The following AKR1B15 variants were observed in gnomAD, a reference collection of about 807,000 sequenced individuals.
AKR1B15 encodes the protein aldo-keto reductase family 1 member B15, also known as estradiol 17-beta-dehydrogenase AKR1B15.
In AKR1B15, 49 loss-of-function variants were observed where a neutral mutation model predicts 38.5. The ratio of observed to expected loss-of-function variants is 1.27; its 90% confidence interval spans 1.01 to 1.62. The LOEUF (loss-of-function observed/expected upper bound fraction) is 1.62, where lower values mean the gene tolerates loss of function less well. Ranked by LOEUF, AKR1B15 falls within the 40% of genes most tolerant of loss-of-function variation. AKR1B15 has a pLI of 0.00. For synonymous variants in AKR1B15, 137 were observed against 135.5 expected, an observed-to-expected ratio of 1.01 and a Z score of -0.08; for missense variants, 411 against 381.6, an observed-to-expected ratio of 1.08 and a Z score of -0.64.
In AKR1B15 at chr7:134,568,142, T is replaced by C; in HGVS notation, c.151-16T>C. 1 of 1,613,920 alleles carries C rather than the reference T, an allele frequency of 6.2e-7. No individual in the cohort carries two copies. The highest frequency in any genetic ancestry group is 1.1e-5 in the South Asian group (1 of 91,072). On this transcript the variant is annotated splice_polypyrimidine_tract_variant and intron_variant, in intron 3 of 11. Transcript: ENST00000457545. ...AAAAAAATACATGTGTGATGGGCTT[T>C]TCTTTTGCTTTTCAGTCTCTTCTCG...
At chr7:134,560,435 T>G (rs1300871309) in intron 2 of AKR1B15, among the ~76,000 whole-genome samples, 1 of 152,154 alleles carries the variant, frequency 6.6e-6, no homozygotes, top group Non-Finnish European at 1.5e-5. Context: ...ATCAGCTGAT[T>G]CCTGCCCAAA....
intron 2 of AKR1B15, among the ~76,000 whole-genome samples, chr7:134,560,344 T>C (rs372901693): frequency 1.8e-4 from 28 of 152,040 alleles, no homozygotes; most frequent in East Asian, 1.2e-3. Context: ...GTCCCTGTCT[T>C]CCCTGACAAC....
chr7:134,567,278 T>C (rs966641996), intron 3 of AKR1B15, among the ~76,000 whole-genome samples: 2 of 152,224 alleles, frequency 1.3e-5, no homozygotes, highest in African/African-American at 4.8e-5. Flanking sequence ...CTTGGCTAGG[T>C]TAGAACAAAG....
chr7:134,578,451 T>A (rs898133958), intron 11 of AKR1B15, among the ~76,000 whole-genome samples: 1 of 152,170 alleles, frequency 6.6e-6, no homozygotes, highest in African/African-American at 2.4e-5. Context: ...GATTAAATCA[T>A]CTCCAAATGC....
chr7:134,552,639 A>T (rs1585776046), intron 1 of AKR1B15, among the ~76,000 whole-genome samples: 3 of 151,718 alleles, frequency 2.0e-5, no homozygotes, highest in African/African-American at 7.3e-5. Flanking sequence ...TAACAAGCAG[A>T]CAGTCACTGT....
intron 2 of AKR1B15, among the ~76,000 whole-genome samples, chr7:134,561,521 T>C (rs1794392188): frequency 6.6e-6 from 1 of 152,228 alleles, no homozygotes; most frequent in Non-Finnish European, 1.5e-5. Flanking sequence ...CATGTATTAT[T>C]AATGTTGAAG....
intron 2 of AKR1B15, among the ~76,000 whole-genome samples, chr7:134,562,622 G>A (rs1045448348): frequency 1.3e-5 from 2 of 152,060 alleles, no homozygotes; most frequent in African/African-American, 2.4e-5. Flanking sequence ...ACAGAGTGCT[G>A]ATTGGTGCAT....
At position 134,575,956 on chromosome 7, in the gene AKR1B15, C is replaced by T. The variant is rs751263325; in HGVS notation, c.743+29C>T. On this transcript the variant is annotated intron_variant, in intron 8 of 11. Transcript: ENST00000457545. Reference sequence around the variant, plus strand: ...AGGCTTCCAAGTGGTGGGTCTTTCTCTTGATAATCTTAAAAACATTATTTT... The same window carrying T: ...AGGCTTCCAAGTGGTGGGTCTTTCTTTTGATAATCTTAAAAACATTATTTT... 4.4e-6 allele frequency: 7 copies of T among 1,607,014 alleles called. No individual in the cohort carries two copies. The East Asian group carries it at 1.6e-4, about 36-fold the overall frequency.
At chr7:134,557,393 T>A (rs1049345112) in intron 2 of AKR1B15, among the ~76,000 whole-genome samples, 1 of 152,160 alleles carries the variant, frequency 6.6e-6, no homozygotes. Flanking sequence ...TAACTTCTTT[T>A]AACCTGATTG....
chr7:134,561,747 G>C (rs1470774916), intron 2 of AKR1B15, among the ~76,000 whole-genome samples: 6 of 151,778 alleles, frequency 4.0e-5, no homozygotes, highest in Admixed American at 2.0e-4. Flanking sequence ...CGTGGCCCTG[G>C]CCTGTCATGG....
chr7:134,559,266 T>C (rs1264189300), intron 2 of AKR1B15, among the ~76,000 whole-genome samples: 1 of 152,176 alleles, frequency 6.6e-6, no homozygotes, highest in African/African-American at 2.4e-5. Context: ...TGTCTATGTC[T>C]ATACCACAAA....
chr7:134,568,078 G>C (rs1794580710), intron 3 of AKR1B15, 80 bp from the exon 4 acceptor site: 1 of 1,552,866 alleles, frequency 6.4e-7, no homozygotes, highest in Non-Finnish European at 8.7e-7. Context: ...GGGAGTGTGA[G>C]GCCAGCCTGG....
intron 2 of AKR1B15, among the ~76,000 whole-genome samples, chr7:134,562,765 G>A (rs1006216642): frequency 1.3e-5 from 2 of 151,854 alleles, no homozygotes; most frequent in African/African-American, 4.8e-5. Flanking sequence ...TCACCATGTT[G>A]GCCAGGCTTC....
At position 134,575,521 on chromosome 7, in the gene AKR1B15, A is replaced by T. The variant is rs568084043; in HGVS notation, c.615A>T (p.Lys205Asn). ...GGCTCTTGAACAAACCTGGACTGAA[A>T]TATAAACCAGTGACTAACCAGGTAA... ...IERLLNKPGL[K>N]YKPVTNQVEC... The change falls in exon 7 of 12, where the codon AAA (lysine) becomes AAT (asparagine). Residue 205 changes from lysine (K) to asparagine (N), a missense_variant. Coordinates refer to ENST00000457545, the MANE Select transcript of AKR1B15 (RefSeq NM_001080538.3). The T allele has an allele frequency of 3.5e-5, 57 of 1,613,862 alleles. No homozygotes were observed. The South Asian group carries it at 6.0e-4, about 17-fold the overall frequency.
chr7:134,568,425 A>G, intron 4 of AKR1B15, 100 bp downstream of exon 4: 1 of 1,498,768 alleles, frequency 6.7e-7, no homozygotes, highest in South Asian at 1.3e-5. Flanking sequence ...TTCTACGTGT[A>G]CCCGTTTTCA....
At chr7:134,568,662 C>G (rs1486700298) in intron 4 of AKR1B15, among the ~76,000 whole-genome samples, 1 of 152,158 alleles carries the variant, frequency 6.6e-6, no homozygotes, top group Non-Finnish European at 1.5e-5. Flanking sequence ...TCCCTCTCAG[C>G]ACTGTGGTCT....
chr7:134,571,766 G>A (rs1794674513), intron 6 of AKR1B15, 85 bp downstream of exon 6: 1 of 1,033,308 alleles, frequency 9.7e-7, no homozygotes, highest in South Asian at 1.4e-5. Context: ...GAGGCCATGT[G>A]CCTGATGCTT....
At chr7:134,550,822 C>T (rs1793941710) in intron 1 of AKR1B15, among the ~76,000 whole-genome samples, 1 of 152,168 alleles carries the variant, frequency 6.6e-6, no homozygotes, top group South Asian at 2.1e-4. Context: ...AAAAGGCAAA[C>T]TCTGGACACT....
At position 134,568,162 on chromosome 7, in the gene AKR1B15, T is replaced by A. The variant is rs191960014; in HGVS notation, c.155T>A (p.Leu52His). Reference protein sequence around the residue: ...GPLLRPYPASLLGKVKEAVKV... With the variant: ...GPLLRPYPASHLGKVKEAVKV... ...GGCTTTTCTTTTGCTTTTCAGTCTC[T>A]TCTCGGCAAAGTGAAAGAAGCGGTG... Residue 52 changes from leucine to histidine, a missense_variant, in exon 4 of 12, where the codon CTT becomes CAT. Physicochemically the swap from Leu to His is moderately conservative, Grantham distance 99 (BLOSUM62 -3). This residue lies in a region of AKR1B15 where 254 missense variants were observed against 212.4 expected (regional missense o/e 1.20). Coordinates refer to ENST00000457545, the MANE Select transcript of AKR1B15 (RefSeq NM_001080538.3). 6.2e-7 allele frequency: 1 copy of A among 1,613,932 alleles called. No homozygotes were observed. The highest frequency in any genetic ancestry group is 8.5e-7 in the Non-Finnish European group (1 of 1,179,976).
Sources: allele counts gnomAD v4.1 joint callset (sites outside exome capture counted in the v4.1 genomes callset), GRCh38; gene constraint gnomAD v4.1.1; regional missense constraint gnomAD v4.1.1; transcripts MANE v1.5; gene names NCBI Gene and HGNC (gene_info 2026-07-23, HGNC 2026-07-21).